Variants in AASDH observed in about 807,000 individuals in gnomAD.
AASDH encodes the protein aminoadipate-semialdehyde dehydrogenase.
In AASDH, 81 loss-of-function variants were observed where a neutral mutation model predicts 102.3. The observed-to-expected ratio is 0.79, with a 90% CI of 0.66 to 0.95. The LOEUF is 0.95. Ranked by LOEUF, AASDH falls within the 40% of genes least tolerant of loss-of-function variation. The pLI, the probability that AASDH is intolerant of heterozygous loss-of-function variation, is 0.00. For synonymous variants in AASDH, 398 were observed against 454.0 expected (o/e 0.88, Z 1.57); for missense variants, 1,203 against 1,266.2 (o/e 0.95, Z 0.76).
In AASDH at chr4:56,338,513, T is replaced by TTCA. The variant is rs1460140999; in HGVS notation, c.3183_3185dup (p.Tyr1061_Glu1062insAsp). On this transcript the variant is annotated inframe_insertion, in exon 15 of 15. Transcript: ENST00000205214. Reference sequence around the variant, plus strand: ...GAGAAGAGAAGACTTCTCCAGGAAGTTCATAAACACTTTGCAATTGTCCAC... The same window carrying TTCA: ...GAGAAGAGAAGACTTCTCCAGGAAGTTCATCATAAACACTTTGCAATTGTCCAC... The TTCA allele has an allele frequency of 6.2e-7, 1 of 1,613,954 alleles. No homozygotes were observed. Among genetic ancestry groups the TTCA allele is most frequent in the Non-Finnish European group, 8.5e-7 (1 of 1,179,992 alleles).
In AASDH at chr4:56,342,468, T is replaced by C. The variant is rs568106210; in HGVS notation, c.2907+367A>G. On this transcript the variant is annotated intron_variant, in intron 14 of 14. Transcript: ENST00000205214. The stretch of plus-strand genomic sequence containing the variant: ...AGAATCCAGGGGTTTTATTTAAACT[T>C]TCATAATCTCAATAGAAGTTATAAT... 2.0e-5 allele frequency among the ~76,000 whole-genome samples: 3 copies of C among 152,244 alleles called. No individual in the cohort carries two copies. In the South Asian group the frequency reaches 6.2e-4, roughly 32 times the overall value.
Position 56,338,487 on chromosome 4 carries a change from G to T in AASDH, c.3212C>A (p.Pro1071His), listed in dbSNP as rs766331651. The T allele has an allele frequency of 6.2e-7, 1 of 1,613,938 alleles. No individual in the cohort carries two copies. Among genetic ancestry groups the T allele is most frequent in the Non-Finnish European group, 8.5e-7 (1 of 1,179,968 alleles). ...YELPGEVFSS[P>H]VVLESMLIIG... ...AATGAGCATTGATTCCAGGACCACA[G>T]GAGAAGAGAAGACTTCTCCAGGAAG... The change falls in exon 15 of 15, where the codon CCT becomes CAT. Residue 1071 changes from proline (P) to histidine (H), a missense_variant. By Grantham distance (77) the Pro-to-His change is moderately conservative (BLOSUM62 -2). Coordinates refer to ENST00000205214, the MANE Select transcript of AASDH (RefSeq NM_181806.4).
rs1336036291 is a variant in AASDH, at chr4:56,350,050, C to G, written c.1701G>C (p.Leu567=). 16 of 1,588,432 alleles carry G rather than the reference C, an allele frequency of 1.0e-5. No individual in the cohort carries two copies. Among genetic ancestry groups the G allele is most frequent in the African/African-American group, 1.4e-5 (1 of 73,854 alleles). Residue 567 remains leucine (L), a synonymous_variant, in exon 11 of 15, where the codon CTG becomes CTC. Transcript: ENST00000205214. The stretch of plus-strand genomic sequence containing the variant: ...CCCTCAAAAGATCTTCTGGGAGATT[C>G]AGAGTAGACTACAGATGAGAGAATA... The part of the protein sequence containing the change: ...EKLQYLWKST[L]NLPEDLLRVP...
At chr4:56,354,576 A>G (rs1184226963) in intron 7 of AASDH, 129 bp downstream of exon 7, 1 of 670,958 alleles carries the variant, frequency 1.5e-6, no homozygotes, top group Non-Finnish European at 2.5e-6. Context: ...TCATGACTAT[A>G]TGAATGAGAA....
intron 3 of AASDH, among the ~76,000 whole-genome samples, chr4:56,381,515 T>A (rs1426472073): frequency 1.3e-5 from 2 of 151,516 alleles, no homozygotes; most frequent in Non-Finnish European, 2.9e-5. Flanking sequence ...GAGGCGGAGG[T>A]TGCAGTGAGC....
chr4:56,353,343 T>C, intron 9 of AASDH, 61 bp downstream of exon 9: 1 of 1,303,708 alleles, frequency 7.7e-7, no homozygotes, highest in Non-Finnish European at 1.1e-6. Context: ...ATCATTAAGC[T>C]AGTTATGAAT....
intron 5 of AASDH, among the ~76,000 whole-genome samples, chr4:56,368,264 G>A (rs866617183): frequency 6.6e-6 from 1 of 152,142 alleles, no homozygotes; most frequent in Admixed American, 6.5e-5. Context: ...CTTTTACACT[G>A]TTGGTGGGAC....
In AASDH at chr4:56,342,883, A is replaced by G. The variant is rs752154331; in HGVS notation, c.2859T>C (p.Ile953=). Residue 953 remains isoleucine (I), a synonymous_variant, in exon 14 of 15, where the codon ATT becomes ATC. Transcript: ENST00000205214. The part of the protein sequence containing the change: ...SPQCCSQYIC[I]GCVDGNLLCF... ...AGAGTAAATTCCCATCTACACAGCC[A>G]ATACAAATATACTGTGAGCAACATT... is the stretch of plus-strand genomic sequence containing the variant. The G allele has an allele frequency of 2.9e-5, 45 of 1,574,670 alleles. No homozygotes were observed. The highest frequency in any genetic ancestry group is 3.7e-5 in the Non-Finnish European group (43 of 1,159,844).
Position 56,342,881 on chromosome 4 carries a change from C to G in AASDH, c.2861G>C (p.Gly954Ala), listed in dbSNP as rs764800199. ...GCAGAGTAAATTCCCATCTACACAG[C>G]CAATACAAATATACTGTGAGCAACA... is the stretch of plus-strand genomic sequence containing the variant. ...PQCCSQYICI[G>A]CVDGNLLCFT... is the part of the protein sequence containing the mutation. The change falls in exon 14 of 15, where the codon GGC (glycine) becomes GCC (alanine). Residue 954 changes from glycine to alanine, a missense_variant. By Grantham distance (60) the Gly-to-Ala change is moderately conservative. Transcript: ENST00000205214. 1.2e-5 allele frequency: 19 copies of G among 1,571,952 alleles called. No individual in the cohort carries two copies. Among genetic ancestry groups the G allele is most frequent in the Non-Finnish European group, 1.6e-5 (19 of 1,158,364 alleles).
chr4:56,339,388 G>T (rs552033384), intron 14 of AASDH, among the ~76,000 whole-genome samples: 3 of 151,900 alleles, frequency 2.0e-5, no homozygotes, highest in African/African-American at 7.3e-5. Context: ...CTCGTGATCC[G>T]CCCACCTCGG....
chr4:56,381,997 C>T (rs1232329167), intron 3 of AASDH: 1 of 152,110 alleles, frequency 6.6e-6, no homozygotes, highest in Non-Finnish European at 1.5e-5. Flanking sequence ...AAAATGCAAG[C>T]TTAGTTATAA....
At chr4:56,342,811 A>G (rs950485035) in intron 14 of AASDH, 24 bp downstream of exon 14, 2 of 1,137,182 alleles carry the variant, frequency 1.8e-6, no homozygotes, top group Non-Finnish European at 2.2e-6. Context: ...AAATGTATAT[A>G]TAAAAAATTT....
At position 56,345,132 on chromosome 4, in the gene AASDH, T is replaced by C; in HGVS notation, c.2647A>G (p.Ile883Val). ...SHDQHAYALD[I>V]YRKKCVWKSK... ...AATTTGAGGTCAATCCTTACATAAA[T>C]ATCTAAAGCATATGCGTGCTGGTCA... Residue 883 changes from isoleucine to valine, a missense_variant, in exon 12 of 15, where the codon ATT becomes GTT. Transcript: ENST00000205214. 6.2e-7 allele frequency: 1 copy of C among 1,613,798 alleles called. No homozygotes were observed. Among genetic ancestry groups the C allele is most frequent in the Non-Finnish European group, 8.5e-7 (1 of 1,179,884 alleles).
At chr4:56,366,061 A>T (rs1478623712) in intron 5 of AASDH, among the ~76,000 whole-genome samples, 2 of 152,220 alleles carry the variant, frequency 1.3e-5, no homozygotes, top group African/African-American at 2.4e-5. Flanking sequence ...CCACAGAAAT[A>T]CAAACTACCA....
rs749151516 is a variant in AASDH, at chr4:56,382,626, G to GA, written c.231-30dup. 16 of 1,588,484 alleles carry GA rather than the reference G, an allele frequency of 1.0e-5. No individual in the cohort carries two copies. In the South Asian group the frequency reaches 1.4e-4, roughly 14 times the overall value. ...AAGAAAAAAGTACACAGTCAGCATA[G>GA]AATGTCTGTTGATTTAGTATTTGTT... On this transcript the variant is annotated intron_variant, in intron 2 of 14. Coordinates refer to ENST00000205214, the MANE Select transcript of AASDH (RefSeq NM_181806.4).
chr4:56,384,597 T>C (rs987163483), intron 1 of AASDH, among the ~76,000 whole-genome samples: 9 of 152,120 alleles, frequency 5.9e-5, no homozygotes, highest in African/African-American at 2.2e-4. Flanking sequence ...CAGATGAAAA[T>C]GAAGCAGGTA....
At chr4:56,351,093 T>C (rs1199831321) in intron 10 of AASDH, among the ~76,000 whole-genome samples, 2 of 152,236 alleles carry the variant, frequency 1.3e-5, no homozygotes, top group Non-Finnish European at 2.9e-5. Context: ...AAACAGGCTT[T>C]GTCTACTTGT....
At position 56,356,935 on chromosome 4, in the gene AASDH, T is replaced by A. The variant is rs557521026; in HGVS notation, c.862-1512A>T. 5.4e-6 allele frequency: 4 copies of A among 739,784 alleles called. No individual in the cohort carries two copies. In the East Asian group the frequency reaches 1.1e-4, roughly 20 times the overall value. 45.8% of individuals were successfully genotyped at this position (739,784 alleles called of 1,614,324 possible). A position where few individuals can be genotyped will look rare whatever the true frequency, so the allele number is the denominator to read the frequency against. ...ACCTGCCACTAAACTGGGTTAAATG[T>A]ACACTGCTGAGTTTTCTGTAAATAA... is the stretch of plus-strand genomic sequence containing the variant. On this transcript the variant is annotated intron_variant, in intron 5 of 14. Transcript: ENST00000205214.
At position 56,355,537 on chromosome 4, in the gene AASDH, T is replaced by C; in HGVS notation, c.862-114A>G. ...GGAGCCCACATGGAAATGAAGGCTG[T>C]GTTTATCAAATGGGAAATCCCATTT... On this transcript the variant is annotated intron_variant, in intron 5 of 14. Transcript: ENST00000205214. The C allele has an allele frequency of 4.1e-6, 4 of 980,538 alleles. No individual in the cohort carries two copies. In the Admixed American group the frequency reaches 1.2e-4, roughly 30 times the overall value. 60.7% of individuals were successfully genotyped at this position (980,538 alleles called of 1,614,324 possible). A position where few individuals can be genotyped will look rare whatever the true frequency, so the allele number is the denominator to read the frequency against.
Sources: gnomAD v4.1 joint callset for allele counts (sites outside exome capture counted in the v4.1 genomes callset) on GRCh38, gnomAD v4.1.1 for gene constraint, MANE v1.5 for transcripts, NCBI Gene and HGNC (gene_info 2026-07-23, HGNC 2026-07-21) for gene names.